LRRC4C: variants seen among roughly 807,000 people sequenced by gnomAD.
LRRC4C encodes leucine rich repeat containing 4C.
LRRC4C carries 5 observed loss-of-function variants against 33.6 expected under a neutral mutation model. The ratio of observed to expected loss-of-function variants is 0.15; its 90% CI spans 0.08 to 0.31. The LOEUF is 0.31. Among genes scored for constraint, LRRC4C ranks in the 10% least tolerant of loss-of-function variants. The pLI is 1.00. For missense variants in LRRC4C, 560 were observed against 796.7 expected (o/e 0.70, Z 3.58); for synonymous variants, 329 against 302.0 (o/e 1.09, Z -0.93).
chr11:40,860,047 C>T (rs1305192552), intron 2 of LRRC4C, among the ~76,000 whole-genome samples: 1 of 151,988 alleles, frequency 6.6e-6, no homozygotes. Context: ...GATTGTGCCA[C>T]TGCACTCCAG....
At chr11:40,185,385 C>T (rs1861325263) in intron 5 of LRRC4C, among the ~76,000 whole-genome samples, 1 of 152,056 alleles carries the variant, frequency 6.6e-6, no homozygotes, top group Non-Finnish European at 1.5e-5. Flanking sequence ...TTCAAGAGCC[C>T]AAGAAACTCC....
chr11:40,243,846 A>G (rs1590803742), intron 4 of LRRC4C, among the ~76,000 whole-genome samples: 1 of 142,010 alleles, frequency 7.0e-6, no homozygotes, highest in Non-Finnish European at 1.5e-5. Flanking sequence ...CTGCCACCAC[A>G]CCTGGGTATT....
chr11:40,181,430 G>A lies in LRRC4C; in HGVS notation c.-95-40577C>T, dbSNP rs568961112. Among the ~76,000 whole-genome samples, 24 of 152,252 alleles carry A rather than the reference G, an allele frequency of 1.6e-4. No individual in the cohort carries two copies. In the South Asian group the frequency reaches 3.9e-3, roughly 25 times the overall value. The stretch of plus-strand genomic sequence containing the variant: ...TAAGGCATACTGCAAATAATTCTGT[G>A]ATTTAGCCTTTTCTGGACTCACCTC... On this transcript the variant is annotated intron_variant, in intron 5 of 6. Coordinates refer to ENST00000528697, the MANE Select transcript of LRRC4C (RefSeq NM_001258419.2).
At chr11:40,128,414 T>A (rs937205348) in intron 6 of LRRC4C, among the ~76,000 whole-genome samples, 5 of 152,218 alleles carry the variant, frequency 3.3e-5, no homozygotes, top group Non-Finnish European at 7.3e-5. Context: ...CTTTCTAGAT[T>A]ATATGTTATC....
Position 41,226,741 on chromosome 11 carries a change from T to TACACACACACACACACAC in LRRC4C, c.-496+232672_-496+232689dup, listed in dbSNP as rs59285418. Reference sequence around the variant, plus strand: ...GTTCACATGCTAAAATCCTTACCATTACACACACACACACACACACACACA... The same window carrying TACACACACACACACACAC: ...GTTCACATGCTAAAATCCTTACCATTACACACACACACACACACACACACACACACACACACACACACA... On this transcript the variant is annotated intron_variant, in intron 1 of 6. Coordinates refer to ENST00000528697, the MANE Select transcript of LRRC4C (RefSeq NM_001258419.2). 4.0e-3 allele frequency among the ~76,000 whole-genome samples: 548 copies of TACACACACACACACACAC among 137,126 alleles called. 4 individuals carry two copies. Among genetic ancestry groups the TACACACACACACACACAC allele is most frequent in the African/African-American group, 7.6e-3 (274 of 36,002 alleles). 90.0% of individuals were successfully genotyped at this position (137,126 alleles called of 152,430 possible).
chr11:40,554,888 A>AT (rs1387562231), intron 3 of LRRC4C, among the ~76,000 whole-genome samples: 1 of 149,474 alleles, frequency 6.7e-6, no homozygotes, highest in African/African-American at 2.5e-5. Context: ...CGCCCGGCTA[A>AT]TTTTTTGTAT....
chr11:40,445,508 T>G (rs1398881923), intron 3 of LRRC4C: 1 of 155,750 alleles, frequency 6.4e-6, no homozygotes, highest in African/African-American at 2.4e-5. Flanking sequence ...ATGACATTCA[T>G]AGGTTTTTTC....
intron 1 of LRRC4C, among the ~76,000 whole-genome samples, chr11:41,123,565 C>A (rs922742117): frequency 2.0e-5 from 3 of 152,008 alleles, no homozygotes; most frequent in Non-Finnish European, 4.4e-5. Context: ...AGCCACCGCG[C>A]CCGGCCTTTT....
intron 3 of LRRC4C, among the ~76,000 whole-genome samples, chr11:40,616,336 G>A (rs1417248790): frequency 6.6e-6 from 1 of 151,974 alleles, no homozygotes; most frequent in African/African-American, 2.4e-5. Context: ...TTCAACCATT[G>A]TGGAAGTCAG....
chr11:40,884,393 T>C lies in LRRC4C; in HGVS notation c.-407+49242A>G, dbSNP rs573284889. Among the ~76,000 whole-genome samples, 17 of 152,262 alleles carry C rather than the reference T, an allele frequency of 1.1e-4. 1 individual carries two copies. The South Asian group carries it at 3.5e-3, about 32-fold the overall frequency. On this transcript the variant is annotated intron_variant, in intron 2 of 6. Coordinates refer to ENST00000528697, the MANE Select transcript of LRRC4C (RefSeq NM_001258419.2). The stretch of plus-strand genomic sequence containing the variant: ...AAACATATGTGTGCATGTTTATTTG[T>C]AGTAGAATAATTTATAATCCTTTGG...
In LRRC4C at chr11:41,101,526, G is replaced by A. The variant is rs181889381; in HGVS notation, c.-495-167803C>T. Among the ~76,000 whole-genome samples, 3 of 152,254 alleles carry A rather than the reference G, an allele frequency of 2.0e-5. No individual in the cohort carries two copies. The East Asian group carries it at 5.8e-4, about 29-fold the overall frequency. On this transcript the variant is annotated intron_variant, in intron 1 of 6. Transcript: ENST00000528697. ...ATGGTGGTGAGGTTGCAGAGAAAAGGGAATGCTTATACACTGTTGGTGGGA... is the reference window on the plus strand; with the variant it reads ...ATGGTGGTGAGGTTGCAGAGAAAAGAGAATGCTTATACACTGTTGGTGGGA...
chr11:40,243,825 A>T (rs2136115812), intron 4 of LRRC4C, among the ~76,000 whole-genome samples: 1 of 147,404 alleles, frequency 6.8e-6, no homozygotes, highest in Non-Finnish European at 1.5e-5. Context: ...AGTAGCTGGG[A>T]TTATAGGCTC....
intron 2 of LRRC4C, among the ~76,000 whole-genome samples, chr11:40,664,211 A>G (rs1406719186): frequency 2.0e-5 from 3 of 152,328 alleles, no homozygotes; most frequent in East Asian, 3.9e-4. Context: ...CATATCTTAT[A>G]TAGCATTTAA....
In LRRC4C at chr11:40,989,103, C is replaced by T. The variant is rs115661609; in HGVS notation, c.-495-55380G>A. ...TCACTCTTTTCTCTGCCACACCTTC[C>T]GTATAACCTATGCTGACTGATCATT... On this transcript the variant is annotated intron_variant, in intron 1 of 6. Transcript: ENST00000528697. Among the ~76,000 whole-genome samples, 281 of 152,194 alleles carry T rather than the reference C, an allele frequency of 1.8e-3. 1 individual carries two copies. Among genetic ancestry groups the T allele is most frequent in the African/African-American group, 6.5e-3 (271 of 41,510 alleles).
chr11:40,199,354 AAC>A (rs1243798645), intron 5 of LRRC4C, among the ~76,000 whole-genome samples: 4 of 152,324 alleles, frequency 2.6e-5, no homozygotes, highest in Non-Finnish European at 4.4e-5. Flanking sequence ...TACAGTAGTG[AAC>A]CACTGCGCCC....
chr11:40,214,352 C>T (rs1378114299), intron 5 of LRRC4C, among the ~76,000 whole-genome samples: 2 of 152,108 alleles, frequency 1.3e-5, no homozygotes, highest in African/African-American at 2.4e-5. Flanking sequence ...CTTGTCCCTA[C>T]CTGAGACATA....
chr11:40,997,783 C>T (rs1854088989), intron 1 of LRRC4C, among the ~76,000 whole-genome samples: 1 of 151,978 alleles, frequency 6.6e-6, no homozygotes, highest in South Asian at 2.1e-4. Flanking sequence ...TCCACTGTCA[C>T]CAATGGTTAT....
rs114632323 is a variant in LRRC4C at position 40,988,142 on chromosome 11, T to A, written c.-495-54419A>T. 1.8e-3 allele frequency among the ~76,000 whole-genome samples: 280 copies of A among 152,212 alleles called. 1 individual carries two copies. Among genetic ancestry groups the A allele is most frequent in the African/African-American group, 6.5e-3 (271 of 41,558 alleles). ...ACAGGAGTAAAGCATTTTTTAAAAG[T>A]GAAGTTAGCAGCAATGACTCAAAGG... is the stretch of plus-strand genomic sequence containing the variant. On this transcript the variant is annotated intron_variant, in intron 1 of 6. Coordinates refer to ENST00000528697, the MANE Select transcript of LRRC4C (RefSeq NM_001258419.2).
intron 3 of LRRC4C, among the ~76,000 whole-genome samples, chr11:40,641,563 A>G (rs1942121272): frequency 6.6e-6 from 1 of 152,214 alleles, no homozygotes; most frequent in African/African-American, 2.4e-5. Flanking sequence ...TATCAAATAT[A>G]CAAAGTCAAA....
Sources: allele counts gnomAD v4.1 joint callset (sites outside exome capture counted in the v4.1 genomes callset), GRCh38; gene constraint gnomAD v4.1.1; transcripts MANE v1.5; gene names NCBI Gene and HGNC (gene_info 2026-07-23, HGNC 2026-07-21).